The following CDH13 variants were observed in gnomAD, a reference collection of about 807,000 sequenced individuals.
The protein encoded by CDH13 is cadherin 13.
Under a neutral mutation model 63.8 loss-of-function variants are expected in CDH13, and 24 were observed. That is an observed-to-expected ratio of 0.38 (90% CI 0.27 to 0.53). The LOEUF (loss-of-function observed/expected upper bound fraction) is 0.53. Among genes scored for constraint, CDH13 ranks in the 20% least tolerant of loss-of-function variants. The pLI is 0.85. For missense variants in CDH13, 1,049 were observed against 903.1 expected (o/e 1.16, Z -2.07); for synonymous variants, 503 against 355.3 (o/e 1.42, Z -4.67).
chr16:82,640,930 G>C (rs927672858), intron 1 of CDH13, among the ~76,000 whole-genome samples: 7 of 152,168 alleles, frequency 4.6e-5, no homozygotes, highest in Admixed American at 4.6e-4. Context: ...CACGCTCTTG[G>C]ATTGAATTCC....
chr16:83,651,832 T>G (rs1321902165), intron 8 of CDH13, among the ~76,000 whole-genome samples: 1 of 152,074 alleles, frequency 6.6e-6, no homozygotes, highest in Admixed American at 6.6e-5. Flanking sequence ...TGACCTCAGG[T>G]GATCTGCCTG....
intron 2 of CDH13, among the ~76,000 whole-genome samples, chr16:82,911,704 G>C (rs1234345122): frequency 6.6e-6 from 1 of 152,142 alleles, no homozygotes; most frequent in Non-Finnish European, 1.5e-5. Flanking sequence ...TGGGTGTTCA[G>C]AAGTATGGTC....
rs143987273 is a variant in CDH13, at chr16:83,325,887, G to C, written c.637-18975G>C. Among the ~76,000 whole-genome samples, 7 of 152,202 alleles carry C rather than the reference G, an allele frequency of 4.6e-5. No individual in the cohort carries two copies. The East Asian group carries it at 1.4e-3, about 29-fold the overall frequency. The stretch of plus-strand genomic sequence containing the variant: ...CGGCTGTGTTAAATTAATTGAATAT[G>C]GACTCACTTACAGAACGAAGTCCAC... On this transcript the variant is annotated intron_variant, in intron 5 of 13. Transcript: ENST00000567109.
chr16:82,972,364 C>G (rs1308875686), intron 2 of CDH13, among the ~76,000 whole-genome samples: 2 of 152,158 alleles, frequency 1.3e-5, no homozygotes, highest in Non-Finnish European at 2.9e-5. Flanking sequence ...AAAACATTTC[C>G]TTTTGTTCAT....
chr16:83,077,848 A>C (rs142743381), intron 3 of CDH13, among the ~76,000 whole-genome samples: 1 of 152,336 alleles, frequency 6.6e-6, no homozygotes, highest in East Asian at 1.9e-4. Context: ...ACGGCTTTGC[A>C]TCCTCACAAA....
intron 1 of CDH13, among the ~76,000 whole-genome samples, chr16:82,789,598 G>T (rs1053698280): frequency 6.6e-6 from 1 of 152,228 alleles, no homozygotes; most frequent in African/African-American, 2.4e-5. Flanking sequence ...AGAAACAAAT[G>T]GGAGGTCCAT....
At chr16:83,416,858 G>A (rs1250743316) in intron 6 of CDH13, among the ~76,000 whole-genome samples, 2 of 152,082 alleles carry the variant, frequency 1.3e-5, no homozygotes, top group Non-Finnish European at 2.9e-5. Flanking sequence ...CAGTAAGATG[G>A]GGATAAAAAT....
intron 2 of CDH13, among the ~76,000 whole-genome samples, chr16:82,982,347 C>T (rs1910382192): frequency 6.6e-6 from 1 of 152,086 alleles, no homozygotes; most frequent in South Asian, 2.1e-4. Context: ...TATTAGGTTC[C>T]TATTGTTGTA....
chr16:82,676,491 T>C (rs868258164), intron 1 of CDH13, among the ~76,000 whole-genome samples: 4,987 of 147,140 alleles, frequency 0.034, 234 homozygotes, highest in African/African-American at 0.12. Context: ...CATTTCTTTT[T>C]TTTTTTTTTT....
intron 13 of CDH13, among the ~76,000 whole-genome samples, chr16:83,789,523 A>G (rs534108866): frequency 6.6e-6 from 1 of 151,760 alleles, no homozygotes; most frequent in East Asian, 1.9e-4. Flanking sequence ...ATTTTTTTGT[A>G]TTTTTAGTAG....
chr16:83,440,417 C>T (rs935348267), intron 6 of CDH13, among the ~76,000 whole-genome samples: 1 of 152,110 alleles, frequency 6.6e-6, no homozygotes, highest in Non-Finnish European at 1.5e-5. Flanking sequence ...GTGCCCCCAA[C>T]ACTGTGGAAT....
Position 83,796,469 on chromosome 16 carries a change from T to C in CDH13, c.*1439T>C, listed in dbSNP as rs1347540824. 1 of 152,256 alleles carries C rather than the reference T, an allele frequency of 6.6e-6. No individual in the cohort carries two copies. Among genetic ancestry groups the C allele is most frequent in the African/African-American group, 2.4e-5 (1 of 41,472 alleles). 9.4% of individuals were successfully genotyped at this position (152,256 alleles called of 1,614,324 possible). On this transcript the variant is annotated 3_prime_UTR_variant, in exon 14 of 14. Transcript: ENST00000567109. ...AGGAAGTAGAAGTCATATGTTGTCT[T>C]TGTTGTAGTGAAATTATACAGATAG... is the stretch of plus-strand genomic sequence containing the variant.
rs546286966 is a variant in CDH13, at chr16:82,851,504, G to A, written c.46-6858G>A. On this transcript the variant is annotated intron_variant, in intron 1 of 13. Transcript: ENST00000567109. ...AATGGGACCGACGAAACTAAAAGCA[G>A]TCTCCCCTTTTACCTCCCCAAGAAC... Among the ~76,000 whole-genome samples, 132 of 151,704 alleles carry A rather than the reference G, an allele frequency of 8.7e-4. 1 individual carries two copies. The highest frequency in any genetic ancestry group is 1.6e-3 in the Non-Finnish European group (110 of 67,936).
chr16:83,105,694 T>A (rs768261303), intron 3 of CDH13, among the ~76,000 whole-genome samples: 4 of 152,028 alleles, frequency 2.6e-5, no homozygotes, highest in Non-Finnish European at 5.9e-5. Flanking sequence ...TGCATGGTAA[T>A]GGGACCTGGC....
chr16:83,156,398 C>T (rs1220025000), intron 4 of CDH13, among the ~76,000 whole-genome samples: 1 of 152,084 alleles, frequency 6.6e-6, no homozygotes, highest in African/African-American at 2.4e-5. Context: ...GAGTCTAATC[C>T]TAGCATTGTG....
In CDH13 at chr16:83,503,841, T is replaced by C. The variant is rs2151590913; in HGVS notation, c.960+17186T>C. Among the ~76,000 whole-genome samples, 3 of 152,230 alleles carry C rather than the reference T, an allele frequency of 2.0e-5. No individual in the cohort carries two copies. In the South Asian group the frequency reaches 6.2e-4, roughly 32 times the overall value. On this transcript the variant is annotated intron_variant, in intron 7 of 13. Transcript: ENST00000567109. ...CAAAAATTTTCTCCCATTCTATAGG[T>C]TGCCTGTTCATTCTGATGATAGTTT...
intron 3 of CDH13, among the ~76,000 whole-genome samples, chr16:83,114,251 C>T (rs958394288): frequency 1.3e-5 from 2 of 152,148 alleles, no homozygotes; most frequent in Non-Finnish European, 2.9e-5. Flanking sequence ...CCGTCCCCAA[C>T]GCCTCTGATG....
At chr16:83,652,056 C>T (rs1912432575) in intron 8 of CDH13, among the ~76,000 whole-genome samples, 1 of 152,218 alleles carries the variant, frequency 6.6e-6, no homozygotes, top group South Asian at 2.1e-4. Flanking sequence ...GAACGATTCT[C>T]ATCCATTTAT....
chr16:83,073,679 T>A (rs774212509), intron 3 of CDH13, among the ~76,000 whole-genome samples: 2 of 152,086 alleles, frequency 1.3e-5, no homozygotes, highest in Non-Finnish European at 2.9e-5. Flanking sequence ...CTTAGTCAGT[T>A]ACCCTGACAC....
Sources: allele counts gnomAD v4.1 joint callset (sites outside exome capture counted in the v4.1 genomes callset), GRCh38; gene constraint gnomAD v4.1.1; transcripts MANE v1.5; gene names NCBI Gene and HGNC (gene_info 2026-07-23, HGNC 2026-07-21).